Variants in LIPI observed in about 807,000 individuals in gnomAD.
LIPI encodes lipase I, also known as lipase member I.
In LIPI, 59 loss-of-function variants were observed where a neutral mutation model predicts 50.6. The ratio of observed to expected loss-of-function variants is 1.16; its 90% CI spans 0.94 to 1.45. The LOEUF (loss-of-function observed/expected upper bound fraction) is 1.45, where lower values mean the gene tolerates loss of function less well. Among genes scored for constraint, LIPI ranks in the 40% most tolerant of loss-of-function variants. The probability of loss-of-function intolerance (pLI) is 0.00; values close to 1 mark genes in which losing one functional copy is unlikely to be tolerated. For synonymous variants in LIPI, 203 were observed against 178.2 expected, an observed-to-expected ratio of 1.14 and a Z score of -1.11; for missense variants, 586 against 536.3, an observed-to-expected ratio of 1.09 and a Z score of -0.92.
At chr21:14,166,758 G>A (rs1399855549) in intron 4 of LIPI, among the ~76,000 whole-genome samples, 1 of 152,234 alleles carries the variant, frequency 6.6e-6, no homozygotes, top group Non-Finnish European at 1.5e-5. Context: ...AAGAGCTCCA[G>A]TCTTCAGCTC....
Position 14,165,252 on chromosome 21 carries a change from C to T in LIPI, c.872G>A (p.Cys291Tyr), listed in dbSNP as rs1386590013. The T allele has an allele frequency of 1.2e-6, 2 of 1,612,166 alleles. No individual in the cohort carries two copies. Among genetic ancestry groups the T allele is most frequent in the African/African-American group, 1.3e-5 (1 of 74,956 alleles). Residue 291 changes from cysteine (C) to tyrosine (Y), a missense_variant, in exon 6 of 10, where the codon TGT becomes TAT. Transcript: ENST00000681601. ...YKTSLCVDCD[C>Y]FKEKSCPRLG... ...CCGAGGACATGATTTTTCCTTAAAA[C>T]AGTCACAGTCCACACATAAGCTAGT...
At chr21:14,198,522 A>T (rs1568883945) in intron 1 of LIPI, among the ~76,000 whole-genome samples, 1 of 151,894 alleles carries the variant, frequency 6.6e-6, no homozygotes, top group Non-Finnish European at 1.5e-5. Context: ...AAAAAGACAA[A>T]ACATTACATA....
intron 8 of LIPI, among the ~76,000 whole-genome samples, chr21:14,149,752 C>T (rs1327765850): frequency 2.6e-5 from 4 of 152,132 alleles, no homozygotes; most frequent in African/African-American, 9.7e-5. Flanking sequence ...CCTAAAGTTC[C>T]AAAATGATCC....
At chr21:14,169,995 G>A (rs998001736) in intron 4 of LIPI, among the ~76,000 whole-genome samples, 3 of 151,694 alleles carry the variant, frequency 2.0e-5, no homozygotes, top group African/African-American at 7.3e-5. Flanking sequence ...AAAGAGAGAA[G>A]AATCAAATAG....
intron 4 of LIPI, among the ~76,000 whole-genome samples, chr21:14,167,479 A>T (rs910337177): frequency 7.1e-4 from 108 of 152,330 alleles, no homozygotes; most frequent in African/African-American, 2.5e-3. Flanking sequence ...AGGGGCAGAC[A>T]GACACCTCAC....
rs753280735 is a variant in LIPI at position 14,189,122 on chromosome 21, C to T, written c.344G>A (p.Arg115Gln). 121 of 1,613,580 alleles carry T rather than the reference C, an allele frequency of 7.5e-5. No homozygotes were observed. Among genetic ancestry groups the T allele is most frequent in the Middle Eastern group, 1.6e-4 (1 of 6,084 alleles). Residue 115 changes from arginine (R) to glutamine (Q), a missense_variant, in exon 2 of 10, where the codon CGG becomes CAG. Arg to Gln is a conservative substitution (Grantham distance 43). Transcript: ENST00000681601. ...ATTATAAATAAAAGTTGTAGCACCC[C>T]GGCTCCAGTCTACTACAATTACATT... is the stretch of plus-strand genomic sequence containing the variant. ...DMNVIVVDWS[R>Q]GATTFIYNRA...
intron 9 of LIPI, among the ~76,000 whole-genome samples, chr21:14,135,263 A>T (rs2017449020): frequency 6.6e-6 from 1 of 152,202 alleles, no homozygotes; most frequent in Admixed American, 6.5e-5. Context: ...AAGATGGTGG[A>T]ATAGAAAGCT....
intron 8 of LIPI, among the ~76,000 whole-genome samples, chr21:14,145,240 G>A (rs942657844): frequency 1.3e-5 from 2 of 152,102 alleles, no homozygotes; most frequent in Admixed American, 6.6e-5. Context: ...CAGAAATACA[G>A]TGTTTAATAA....
rs190994956 is a variant in LIPI, at chr21:14,142,655, T to A, written c.1295+1968A>T. 3.8e-3 allele frequency among the ~76,000 whole-genome samples: 572 copies of A among 151,436 alleles called. 4 individuals carry two copies. Among genetic ancestry groups the A allele is most frequent in the African/African-American group, 0.013 (541 of 41,408 alleles). ...GCACCATCATGCATGGCTAATTTTT[T>A]AAATTTTTTGTAGAGATAGGATTTT... On this transcript the variant is annotated intron_variant, in intron 9 of 9. Transcript: ENST00000681601.
chr21:14,111,524 C>A (rs1042697085), intron 9 of LIPI, among the ~76,000 whole-genome samples: 1 of 152,034 alleles, frequency 6.6e-6, no homozygotes, highest in Non-Finnish European at 1.5e-5. Flanking sequence ...CAAATAATTT[C>A]TCCCATTCTG....
intron 9 of LIPI, among the ~76,000 whole-genome samples, chr21:14,128,503 T>C (rs1281934578): frequency 6.6e-6 from 1 of 152,088 alleles, no homozygotes; most frequent in Non-Finnish European, 1.5e-5. Flanking sequence ...CTCATAGATT[T>C]GTTGCAAGGA....
At chr21:14,183,230 T>C (rs1269137861) in intron 3 of LIPI, among the ~76,000 whole-genome samples, 1 of 152,190 alleles carries the variant, frequency 6.6e-6, no homozygotes, top group Admixed American at 6.5e-5. Flanking sequence ...GGGGAAAGGA[T>C]TCCCTATTTA....
chr21:14,169,714 G>A (rs1365411706), intron 4 of LIPI, among the ~76,000 whole-genome samples: 1 of 152,040 alleles, frequency 6.6e-6, no homozygotes, highest in Middle Eastern at 3.2e-3. Flanking sequence ...ATTCAAAGCA[G>A]TGTGTAGAGG....
chr21:14,202,864 A>C (rs2123340024), intron 1 of LIPI, among the ~76,000 whole-genome samples: 1 of 147,532 alleles, frequency 6.8e-6, no homozygotes, highest in Admixed American at 6.6e-5. Flanking sequence ...GCTTCTGCAC[A>C]GCAAAAAAAA....
intron 1 of LIPI, among the ~76,000 whole-genome samples, chr21:14,197,793 A>T (rs1448723586): frequency 6.6e-6 from 1 of 152,104 alleles, no homozygotes; most frequent in Non-Finnish European, 1.5e-5. Flanking sequence ...CTTCACAAGA[A>T]GATCATCCCC....
At chr21:14,116,273 T>G (rs988178034) in intron 9 of LIPI, among the ~76,000 whole-genome samples, 1 of 151,686 alleles carries the variant, frequency 6.6e-6, no homozygotes, top group African/African-American at 2.4e-5. Context: ...GATCTCTTAG[T>G]GCAGACTGTG....
At chr21:14,129,673 A>T (rs1217744966) in intron 9 of LIPI, among the ~76,000 whole-genome samples, 1 of 151,864 alleles carries the variant, frequency 6.6e-6, no homozygotes, top group African/African-American at 2.4e-5. Context: ...AGTCAGAAAA[A>T]AGAAAAAAAT....
At chr21:14,132,631 A>T (rs1454486406) in intron 9 of LIPI, among the ~76,000 whole-genome samples, 1 of 152,172 alleles carries the variant, frequency 6.6e-6, no homozygotes, top group Non-Finnish European at 1.5e-5. Context: ...CAAAAATATA[A>T]AACTCACAGT....
intron 1 of LIPI, among the ~76,000 whole-genome samples, chr21:14,204,984 T>C (rs1310196389): frequency 6.6e-6 from 1 of 151,666 alleles, no homozygotes; most frequent in African/African-American, 2.4e-5. Flanking sequence ...CGGAAGTGTT[T>C]TCAATATAAG....
Sources: gnomAD v4.1 joint callset for allele counts (sites outside exome capture counted in the v4.1 genomes callset) on GRCh38, gnomAD v4.1.1 for gene constraint, MANE v1.5 for transcripts, NCBI Gene and HGNC (gene_info 2026-07-23, HGNC 2026-07-21) for gene names.